Variants in CHRNA5 observed in about 807,000 individuals in gnomAD.
CHRNA5 encodes the protein cholinergic receptor nicotinic alpha 5 subunit, also known as neuronal acetylcholine receptor subunit alpha-5.
A neutral mutation model predicts 41.2 loss-of-function variants in CHRNA5; 28 were observed. The observed-to-expected ratio is 0.68, with a 90% confidence interval of 0.50 to 0.93. CHRNA5 has a LOEUF of 0.93. Among genes scored for constraint, CHRNA5 ranks in the 40% least tolerant of loss-of-function variants. The pLI, the probability that CHRNA5 is intolerant of heterozygous loss-of-function variation, is 0.00. For missense variants in CHRNA5, 481 were observed against 581.9 expected (o/e 0.83, Z 1.78); for synonymous variants, 188 against 205.8 (o/e 0.91, Z 0.74).
In CHRNA5 at chr15:78,588,323, G is replaced by T. The variant is rs1157428538; in HGVS notation, c.313G>T (p.Asp105Tyr). 2 of 1,548,294 alleles carry T rather than the reference G, an allele frequency of 1.3e-6. No homozygotes were observed. Among genetic ancestry groups the T allele is most frequent in the Non-Finnish European group, 1.8e-6 (2 of 1,132,682 alleles). Residue 105 changes from aspartate (D) to tyrosine (Y), a missense_variant, in exon 4 of 6, where the codon GAT becomes TAT. Transcript: ENST00000299565. This position sits in a 1 kb window ranked among gnomAD's most constrained non-coding sequence, Gnocchi z 4.1. ...TTTCTTTGTTTTAAAGGAATGGATA[G>T]ATGTAAAATTAAGATGGAACCCTGA...
chr15:78,571,820 T>G (rs1338498581), intron 1 of CHRNA5, among the ~76,000 whole-genome samples: 3 of 152,204 alleles, frequency 2.0e-5, no homozygotes, highest in Non-Finnish European at 4.4e-5. Flanking sequence ...TCCCTCTATA[T>G]TTTATCTGTA....
At chr15:78,574,705 C>T (rs2052841300) in intron 1 of CHRNA5, among the ~76,000 whole-genome samples, 1 of 152,056 alleles carries the variant, frequency 6.6e-6, no homozygotes, top group Non-Finnish European at 1.5e-5. Flanking sequence ...GTGGGCCAGA[C>T]ACGGTGGCTG....
At chr15:78,586,516 C>A in intron 2 of CHRNA5, 129 bp from the exon 3 acceptor site, 2 of 574,966 alleles carry the variant, frequency 3.5e-6, no homozygotes, top group Non-Finnish European at 6.1e-6. Context: ...TCTAGAGAAC[C>A]AGATTGATGA....
At chr15:78,592,815 C>T (rs1158947471) in intron 5 of CHRNA5, among the ~76,000 whole-genome samples, 1 of 151,922 alleles carries the variant, frequency 6.6e-6, no homozygotes, top group African/African-American at 2.4e-5. Context: ...TGTAAAATAT[C>T]CAAGTCTATT....
rs140425989 is a variant in CHRNA5 at position 78,573,860 on chromosome 15, G to A, written c.107-6951G>A. ...GTCTGGAGTGCAGTGGCACAATCTC[G>A]GCTCACTGCAACCTCCACCTCCCAG... On this transcript the variant is annotated intron_variant, in intron 1 of 5. Coordinates refer to ENST00000299565, the Ensembl canonical transcript of CHRNA5. Among the ~76,000 whole-genome samples, 1,332 of 149,834 alleles carry A rather than the reference G, an allele frequency of 8.9e-3. 22 individuals are homozygous for A. The highest frequency in any genetic ancestry group is 0.031 in the African/African-American group (1,255 of 40,660).
chr15:78,575,183 G>A (rs571838266), intron 1 of CHRNA5, among the ~76,000 whole-genome samples: 1 of 152,134 alleles, frequency 6.6e-6, no homozygotes, highest in African/African-American at 2.4e-5. Context: ...TTTTTTAAAT[G>A]TCATTCTCCC....
intron 1 of CHRNA5, 114 bp from the exon 2 acceptor site, chr15:78,580,697 C>A: frequency 6.6e-6 from 5 of 753,966 alleles, no homozygotes; most frequent in Non-Finnish European, 1.1e-5. Context: ...AGTGCAGTGG[C>A]CCGATCTTGG....
chr15:78,583,794 T>C (rs2052934718), intron 2 of CHRNA5, among the ~76,000 whole-genome samples: 2 of 151,678 alleles, frequency 1.3e-5, no homozygotes, highest in South Asian at 4.2e-4. Flanking sequence ...CCAAAGAAAA[T>C]GTTCACTAGC....
chr15:78,573,929 T>C (rs1473648656), intron 1 of CHRNA5, among the ~76,000 whole-genome samples: 4 of 149,636 alleles, frequency 2.7e-5, no homozygotes, highest in Non-Finnish European at 4.4e-5. Context: ...CCTGAGTAGC[T>C]GGGACTACAG....
intron 2 of CHRNA5, among the ~76,000 whole-genome samples, chr15:78,583,329 G>C (rs945739368): frequency 6.6e-6 from 1 of 152,184 alleles, no homozygotes; most frequent in African/African-American, 2.4e-5. Flanking sequence ...AACAGGACTT[G>C]ACCACTGAAT....
intron 1 of CHRNA5, among the ~76,000 whole-genome samples, chr15:78,575,375 AT>A (rs1304110306): frequency 6.6e-6 from 1 of 151,986 alleles, no homozygotes; most frequent in East Asian, 1.9e-4. Context: ...GAATTATCCC[AT>A]TTAATTTTTT....
exon 2 of CHRNA5, chr15:78,580,907 T>C (rs754032640): frequency 1.9e-6 from 3 of 1,614,120 alleles, no homozygotes; most frequent in East Asian, 2.2e-5. Flanking sequence ...GTGGAACACC[T>C]GAATGACAAA....
rs1278994313 is a variant in CHRNA5 at position 78,588,372 on chromosome 15, T to C, written c.362T>C (p.Ile121Thr). The stretch of plus-strand genomic sequence containing the variant: ...GATGACTATGGTGGAATAAAAGTTA[T>C]ACGTGTTCCTTCAGACTCTGTCTGG... Residue 121 changes from isoleucine (I) to threonine (T), a missense_variant, in exon 4 of 6, where the codon ATA (isoleucine) becomes ACA (threonine). Ile to Thr is a moderately conservative substitution (Grantham distance 89). Coordinates refer to ENST00000299565, the Ensembl canonical transcript of CHRNA5. The surrounding 1 kb of genome is among the most constrained non-coding windows in gnomAD (Gnocchi z 4.1). 1.9e-6 allele frequency: 3 copies of C among 1,592,718 alleles called. No individual in the cohort carries two copies. Among genetic ancestry groups the C allele is most frequent in the Non-Finnish European group, 2.6e-6 (3 of 1,166,880 alleles).
intron 2 of CHRNA5, 70 bp downstream of exon 2, chr15:78,581,032 CTG>C: frequency 6.8e-7 from 1 of 1,473,754 alleles, no homozygotes; most frequent in East Asian, 2.3e-5. Flanking sequence ...TGCCCAGGCA[CTG>C]TGCTAGGCAC....
chr15:78,581,399 A>C (rs1358790691), intron 2 of CHRNA5, among the ~76,000 whole-genome samples: 1 of 152,214 alleles, frequency 6.6e-6, no homozygotes, highest in Non-Finnish European at 1.5e-5. Flanking sequence ...ACATTTCAGA[A>C]ATTTTTCTAT....
At chr15:78,585,788 TTTC>T in intron 2 of CHRNA5, among the ~76,000 whole-genome samples, 1 of 91,146 alleles carries the variant, frequency 1.1e-5, no homozygotes. Flanking sequence ...TTTTCTTTTC[TTTC>T]TTTTTTTTTT....
intron 1 of CHRNA5, among the ~76,000 whole-genome samples, chr15:78,577,702 G>A (rs919260961): frequency 2.0e-5 from 3 of 152,118 alleles, no homozygotes; most frequent in Admixed American, 6.5e-5. Context: ...GGAGGCAGAG[G>A]CTAGCAGATC....
At chr15:78,593,470 C>A (rs1648410751) in exon 6 of CHRNA5, 1 of 373,588 alleles carries the variant, frequency 2.7e-6, no homozygotes, top group Non-Finnish European at 4.7e-6. Flanking sequence ...GTAAAAATAG[C>A]AAAATATTAT....
In CHRNA5 at chr15:78,582,536, A is replaced by T. The variant is rs149629018; in HGVS notation, c.258+1574A>T. 8.9e-4 allele frequency among the ~76,000 whole-genome samples: 136 copies of T among 152,062 alleles called. 1 individual carries two copies. The highest frequency in any genetic ancestry group is 3.1e-3 in the African/African-American group (130 of 41,506). ...AGTAAGGTGGGTGGGGCTTGCTCTC[A>T]AAGATCTTTCTGGTTGAGGTCATTG... On this transcript the variant is annotated intron_variant, in intron 2 of 5. Coordinates refer to ENST00000299565, the Ensembl canonical transcript of CHRNA5.
Sources: gnomAD v4.1 joint callset for allele counts (sites outside exome capture counted in the v4.1 genomes callset) on GRCh38, gnomAD v4.1.1 for gene constraint, Gnocchi (gnomAD v3.1) non-coding constraint, MANE v1.5 for transcripts, NCBI Gene and HGNC (gene_info 2026-07-23, HGNC 2026-07-21) for gene names.